The following CNKSR3 variants were observed in gnomAD, a reference collection of about 807,000 sequenced individuals.
CNKSR3 encodes the protein CNKSR family member 3, also known as connector enhancer of kinase suppressor of ras 3.
A neutral mutation model predicts 67.7 loss-of-function variants in CNKSR3; 36 were observed. That is an observed-to-expected ratio of 0.53 (90% CI 0.41 to 0.70). CNKSR3 has a LOEUF of 0.70. Ranked by LOEUF, CNKSR3 falls within the 30% of genes least tolerant of loss-of-function variation. The pLI is 0.00. For synonymous variants in CNKSR3, 281 were observed against 271.4 expected, an observed-to-expected ratio of 1.04 and a Z score of -0.35; for missense variants, 630 against 695.2, an observed-to-expected ratio of 0.91 and a Z score of 1.05.
chr6:154,430,607 C>A lies in CNKSR3; in HGVS notation c.550-16G>T. On this transcript the variant is annotated splice_polypyrimidine_tract_variant and intron_variant, in intron 5 of 12. Transcript: ENST00000607772. The stretch of plus-strand genomic sequence containing the variant: ...AAACCTTGACCTAGAATTGGAGAAG[C>A]AAATAGTCAGGAAAGTTCAATCATT... 2 of 1,598,494 alleles carry A rather than the reference C, an allele frequency of 1.3e-6. No homozygotes were observed. The highest frequency in any genetic ancestry group is 8.5e-7 in the Non-Finnish European group (1 of 1,175,268).
chr6:154,418,533 C>T (rs1447964910), intron 9 of CNKSR3, among the ~76,000 whole-genome samples: 1 of 152,182 alleles, frequency 6.6e-6, no homozygotes, highest in Non-Finnish European at 1.5e-5. Flanking sequence ...ACAGTCCATA[C>T]CTCTCTCTCC....
At chr6:154,496,292 T>TGAAGGTAATAGAGAACAGC (rs1397135807) in intron 1 of CNKSR3, among the ~76,000 whole-genome samples, 12 of 152,196 alleles carry the variant, frequency 7.9e-5, no homozygotes, top group African/African-American at 2.9e-4. Context: ...GCTGGCTGTT[T>TGAAGGTAATAGAGAACAGC]GAAGGTAATA....
At chr6:154,483,253 G>A (rs770760901) in intron 1 of CNKSR3, among the ~76,000 whole-genome samples, 1 of 152,108 alleles carries the variant, frequency 6.6e-6, no homozygotes, top group Non-Finnish European at 1.5e-5. Context: ...TCATCATCAC[G>A]CCAGCCATCA....
intron 7 of CNKSR3, among the ~76,000 whole-genome samples, chr6:154,424,557 T>G (rs1428224940): frequency 6.6e-6 from 1 of 152,150 alleles, no homozygotes; most frequent in Non-Finnish European, 1.5e-5. Context: ...CTGGCTGAAG[T>G]TTCTCTAAAT....
chr6:154,504,100 C>T (rs1324106417), intron 1 of CNKSR3, among the ~76,000 whole-genome samples: 1 of 152,172 alleles, frequency 6.6e-6, no homozygotes, highest in Non-Finnish European at 1.5e-5. Flanking sequence ...CAGACAGGGG[C>T]CAACAGTTGA....
intron 1 of CNKSR3, among the ~76,000 whole-genome samples, chr6:154,457,707 G>A (rs564756198): frequency 2.0e-5 from 3 of 152,192 alleles, no homozygotes; most frequent in South Asian, 2.1e-4. Flanking sequence ...TGTCTTGCCC[G>A]GATTTCTGCA....
Position 154,398,443 on chromosome 6 carries a change from A to C in CNKSR3, c.*7911T>G, listed in dbSNP as rs1422114598. 1 of 152,192 alleles carries C rather than the reference A, an allele frequency of 6.6e-6. No homozygotes were observed. Among genetic ancestry groups the C allele is most frequent in the Non-Finnish European group, 1.5e-5 (1 of 68,042 alleles). 9.4% of individuals were successfully genotyped at this position (152,192 alleles called of 1,614,324 possible). On this transcript the variant is annotated 3_prime_UTR_variant, in exon 13 of 13. Transcript: ENST00000607772. ...CCTTTTCACTTCCTGGACCTACCAAAGCCTTGGCCTTGGGTGGGGAGGCAT... is the reference window on the plus strand; with the variant it reads ...CCTTTTCACTTCCTGGACCTACCAACGCCTTGGCCTTGGGTGGGGAGGCAT...
intron 1 of CNKSR3, among the ~76,000 whole-genome samples, chr6:154,508,405 C>T (rs1224475630): frequency 1.3e-5 from 2 of 152,130 alleles, no homozygotes; most frequent in Non-Finnish European, 2.9e-5. Flanking sequence ...ATTTCAAGGG[C>T]TGCAGAGCCA....
At chr6:154,443,651 TCA>T (rs1312451513) in intron 2 of CNKSR3, among the ~76,000 whole-genome samples, 1 of 151,588 alleles carries the variant, frequency 6.6e-6, no homozygotes, top group East Asian at 1.9e-4. Context: ...GGCGAGACAC[TCA>T]CACAAAAAAA....
chr6:154,502,113 T>C (rs769874044), intron 1 of CNKSR3, among the ~76,000 whole-genome samples: 8 of 152,172 alleles, frequency 5.3e-5, no homozygotes, highest in Non-Finnish European at 1.0e-4. Flanking sequence ...CCATACGTTA[T>C]GCAAGGGGCT....
chr6:154,421,981 TTCATTC>T (rs1785153314), intron 9 of CNKSR3, among the ~76,000 whole-genome samples: 1 of 143,474 alleles, frequency 7.0e-6, no homozygotes, highest in African/African-American at 2.7e-5. Context: ...TTAATGTCAT[TTCATTC>T]TTTTTTTTTT....
At chr6:154,474,338 G>A (rs1293309656) in intron 1 of CNKSR3, among the ~76,000 whole-genome samples, 2 of 151,610 alleles carry the variant, frequency 1.3e-5, no homozygotes, top group East Asian at 4.0e-4. Context: ...GCTTGAACCC[G>A]GGAGGCGGAG....
chr6:154,461,108 A>T (rs1467353764), intron 1 of CNKSR3, among the ~76,000 whole-genome samples: 1 of 152,102 alleles, frequency 6.6e-6, no homozygotes, highest in Non-Finnish European at 1.5e-5. Context: ...CAAAGTTCCC[A>T]CCCACACAGT....
At chr6:154,434,258 C>CA (rs1785426830) in intron 4 of CNKSR3, among the ~76,000 whole-genome samples, 2 of 152,074 alleles carry the variant, frequency 1.3e-5, no homozygotes, top group East Asian at 3.9e-4. Flanking sequence ...GAAACTTTCA[C>CA]AGTTAACCTT....
intron 2 of CNKSR3, among the ~76,000 whole-genome samples, chr6:154,443,162 T>C (rs930367466): frequency 2.6e-5 from 4 of 152,094 alleles, no homozygotes; most frequent in Non-Finnish European, 5.9e-5. Context: ...CCTCTCAAAG[T>C]ACTGGGATTA....
intron 1 of CNKSR3, among the ~76,000 whole-genome samples, chr6:154,477,500 T>C (rs1462814040): frequency 6.6e-6 from 1 of 151,446 alleles, no homozygotes; most frequent in East Asian, 1.9e-4. Flanking sequence ...TCTGTATTTT[T>C]AGTAGAGATG....
Position 154,474,408 on chromosome 6 carries a change from G to C in CNKSR3, c.53-24150C>G, listed in dbSNP as rs558233409. On this transcript the variant is annotated intron_variant, in intron 1 of 12. Transcript: ENST00000607772. ...AGCCCGGGTGACAAAGCAAGACTCCGTCTCAAAAAAAAAAAAGTGGGGGGG... is the reference window on the plus strand; with the variant it reads ...AGCCCGGGTGACAAAGCAAGACTCCCTCTCAAAAAAAAAAAAGTGGGGGGG... Among the ~76,000 whole-genome samples the C allele has an allele frequency of 1.4e-3, 159 of 114,034 alleles. 1 individual carries two copies. Among genetic ancestry groups the C allele is most frequent in the Middle Eastern group, 4.1e-3 (1 of 246 alleles). 74.8% of individuals were successfully genotyped at this position (114,034 alleles called of 152,430 possible).
intron 3 of CNKSR3, 135 bp from the exon 4 acceptor site, chr6:154,441,514 C>CAAACAA: frequency 3.1e-6 from 2 of 648,772 alleles, no homozygotes; most frequent in Non-Finnish European, 5.4e-6. Flanking sequence ...GACTGTGTCT[C>CAAACAA]ACTCTGTCGC....
chr6:154,416,420 A>G (rs984590555), intron 9 of CNKSR3, among the ~76,000 whole-genome samples: 2 of 152,220 alleles, frequency 1.3e-5, no homozygotes, highest in Non-Finnish European at 2.9e-5. Context: ...TAATTGATTG[A>G]CATCTCAACA....
Sources: allele counts gnomAD v4.1 joint callset (sites outside exome capture counted in the v4.1 genomes callset), GRCh38; gene constraint gnomAD v4.1.1; transcripts MANE v1.5; gene names NCBI Gene and HGNC (gene_info 2026-07-23, HGNC 2026-07-21).